Variants in TRPC5 observed in about 807,000 individuals in gnomAD.
The protein encoded by TRPC5 is short transient receptor potential channel 5.
In TRPC5, 9 loss-of-function variants were observed where a neutral mutation model predicts 56.5. The observed-to-expected ratio is 0.16, with a 90% CI of 0.10 to 0.28. TRPC5 has a LOEUF of 0.28. Among genes scored for constraint, TRPC5 ranks in the 10% least tolerant of loss-of-function variants. The pLI is 1.00. For missense variants in TRPC5, 469 were observed against 748.9 expected (o/e 0.63, Z 4.36); for synonymous variants, 282 against 278.5 (o/e 1.01, Z -0.13).
At chrX:111,797,197 T>A (rs1201933870) in intron 7 of TRPC5, among the ~76,000 whole-genome samples, 7 of 112,215 alleles carry the variant, frequency 6.2e-5, no homozygotes, top group Non-Finnish European at 1.3e-4. Context: ...TCCAATAATG[T>A]CATTTAATGA....
chrX:111,967,210 G>C (rs886371753), intron 1 of TRPC5, among the ~76,000 whole-genome samples: 2 of 111,539 alleles, frequency 1.8e-5, no homozygotes, highest in Non-Finnish European at 3.8e-5. Context: ...GCCAAATCAT[G>C]AGTGAACTCC....
At chrX:111,796,162 T>C (rs1921084201) in intron 7 of TRPC5, among the ~76,000 whole-genome samples, 2 of 112,230 alleles carry the variant, frequency 1.8e-5, no homozygotes, top group Non-Finnish European at 3.8e-5. Flanking sequence ...AATTTGATTC[T>C]TTTTTTATCA....
intron 1 of TRPC5, among the ~76,000 whole-genome samples, chrX:112,040,146 T>C (rs1044543979): frequency 2.7e-5 from 3 of 111,755 alleles, no homozygotes; most frequent in Admixed American, 9.5e-5. Flanking sequence ...GTACCCAGGG[T>C]TATTGGGTAC....
chrX:111,836,184 A>G (rs1922559069), intron 6 of TRPC5, among the ~76,000 whole-genome samples: 1 of 111,682 alleles, frequency 9.0e-6, no homozygotes, highest in Non-Finnish European at 1.9e-5. Context: ...TGTAACTGCA[A>G]TGATATCCTT....
chrX:111,845,363 T>C (rs1025897595), intron 6 of TRPC5, among the ~76,000 whole-genome samples: 3 of 111,883 alleles, frequency 2.7e-5, no homozygotes, highest in Middle Eastern at 4.6e-3. Context: ...GTAACATTAC[T>C]GCTGATTTGG....
chrX:111,856,115 C>T (rs1398344824), intron 3 of TRPC5, among the ~76,000 whole-genome samples: 1 of 111,390 alleles, frequency 9.0e-6, no homozygotes, highest in Non-Finnish European at 1.9e-5. Flanking sequence ...AAGAGCCTGC[C>T]TTGTATGTGG....
At position 111,952,253 on chromosome X, in the gene TRPC5, C is replaced by T; in HGVS notation, c.168G>A (p.Glu56=). ...ATVKQALQEA[E]IYYNVNINCM... is the part of the protein sequence containing the mutation. ...AGTTGATGTTAACATTATAGTAGAT[C>T]TCAGCCTCCTGAAGGGCCTGCTTCA... Residue 56 remains glutamate (E), a synonymous_variant, in exon 2 of 11, where the codon GAG becomes GAA. Coordinates refer to ENST00000262839, the MANE Select transcript of TRPC5 (RefSeq NM_012471.3). 8.3e-7 allele frequency: 1 copy of T among 1,212,029 alleles called. No homozygotes were observed. The highest frequency in any genetic ancestry group is 1.1e-6 in the Non-Finnish European group (1 of 895,599).
chrX:111,950,330 A>C (rs765149593), intron 2 of TRPC5, among the ~76,000 whole-genome samples: 2 of 111,416 alleles, frequency 1.8e-5, no homozygotes, highest in South Asian at 7.6e-4. Flanking sequence ...ATCTCAAAAA[A>C]AAAAAAGAAT....
chrX:111,838,631 AT>A (rs2148579162), intron 6 of TRPC5, among the ~76,000 whole-genome samples: 1 of 112,361 alleles, frequency 8.9e-6, no homozygotes, highest in African/African-American at 3.2e-5. Flanking sequence ...GTAAACAAAC[AT>A]ATGGAACTTG....
chrX:111,934,916 AT>A (rs1439153115), intron 2 of TRPC5, among the ~76,000 whole-genome samples: 6 of 112,584 alleles, frequency 5.3e-5, no homozygotes, highest in African/African-American at 1.9e-4. Context: ...ATTGTGAAGA[AT>A]GCTGCAATAA....
chrX:111,818,666 C>T (rs773962573), intron 7 of TRPC5, among the ~76,000 whole-genome samples: 30 of 103,924 alleles, frequency 2.9e-4, no homozygotes, highest in Non-Finnish European at 4.9e-4. Flanking sequence ...TACAGCAGCA[C>T]GATCTTGGCT....
At chrX:111,921,332 T>A (rs1384988617) in intron 2 of TRPC5, among the ~76,000 whole-genome samples, 1 of 112,014 alleles carries the variant, frequency 8.9e-6, no homozygotes, top group Non-Finnish European at 1.9e-5. Context: ...AGATTTGGAC[T>A]GAAGGCCATA....
At chrX:112,043,397 T>C (rs773748592) in intron 1 of TRPC5, among the ~76,000 whole-genome samples, 9 of 112,035 alleles carry the variant, frequency 8.0e-5, no homozygotes, top group Non-Finnish European at 1.5e-4. Context: ...CAGAAGCCAC[T>C]GTGTGGATGT....
rs775126780 is a variant in TRPC5, at chrX:111,975,949, AT to A, written c.-21-23509del. On this transcript the variant is annotated intron_variant, in intron 1 of 10. Transcript: ENST00000262839. ...AACAACAACAAAAAACAACAAAAAA[AT>A]CATGTTACATGATGAAGTAGAATTT... Among the ~76,000 whole-genome samples, 886 of 112,174 alleles carry A rather than the reference AT, an allele frequency of 7.9e-3. 5 individuals are homozygous for A. The highest frequency in any genetic ancestry group is 0.028 in the Middle Eastern group (6 of 215).
At position 111,769,368 on chromosome X, in the gene TRPC5, G is replaced by A. The variant is rs1945831050; in HGVS notation, c.*6945C>T. On this transcript the variant is annotated 3_prime_UTR_variant, in exon 11 of 11. Coordinates refer to ENST00000262839, the MANE Select transcript of TRPC5 (RefSeq NM_012471.3). ...TTATGGTTGTTCCCAAATCAGTGAA[G>A]CTTCTCTATCTAAATATATTGCTCT... Among the ~76,000 whole-genome samples the A allele has an allele frequency of 8.9e-6, 1 of 112,061 alleles. No individual in the cohort carries two copies. Among genetic ancestry groups the A allele is most frequent in the Non-Finnish European group, 1.9e-5 (1 of 53,198 alleles).
At chrX:111,891,504 T>C (rs781270061) in intron 3 of TRPC5, among the ~76,000 whole-genome samples, 6 of 111,882 alleles carry the variant, frequency 5.4e-5, no homozygotes, top group Non-Finnish European at 1.1e-4. Context: ...AATTGTAAAA[T>C]AGGTATAATC....
chrX:111,780,671 G>C, intron 9 of TRPC5, among the ~76,000 whole-genome samples: 1 of 66,967 alleles, frequency 1.5e-5, no homozygotes, highest in Middle Eastern at 8.8e-3. Context: ...TTTGCGTTTG[G>C]TTGAAAAAAT....
At chrX:111,990,972 G>C (rs774284606) in intron 1 of TRPC5, among the ~76,000 whole-genome samples, 2 of 112,380 alleles carry the variant, frequency 1.8e-5, no homozygotes, top group South Asian at 7.4e-4. Flanking sequence ...GTAGGCAAGG[G>C]CTTGTCTGAA....
chrX:111,943,485 C>CAGTGTTTATG (rs963368841), intron 2 of TRPC5, among the ~76,000 whole-genome samples: 3 of 111,891 alleles, frequency 2.7e-5, no homozygotes, highest in Non-Finnish European at 5.6e-5. Context: ...AAACACTTAT[C>CAGTGTTTATG]AGTGTTGTTG....
Sources: gnomAD v4.1 joint callset for allele counts (sites outside exome capture counted in the v4.1 genomes callset) on GRCh38, gnomAD v4.1.1 for gene constraint, MANE v1.5 for transcripts, NCBI Gene and HGNC (gene_info 2026-07-23, HGNC 2026-07-21) for gene names.